Variants in GABRB2 observed in about 807,000 individuals in gnomAD.
The protein encoded by GABRB2 is gamma-aminobutyric acid receptor subunit beta-2.
In GABRB2, 16 loss-of-function variants were observed where a neutral mutation model predicts 54.7. The ratio of observed to expected loss-of-function variants is 0.29; its 90% CI spans 0.20 to 0.44. The LOEUF is 0.44. Ranked by LOEUF, GABRB2 falls within the 20% of genes least tolerant of loss-of-function variation. The probability of loss-of-function intolerance (pLI) is 1.00; values close to 1 mark genes in which losing one functional copy is unlikely to be tolerated. For synonymous variants in GABRB2, 244 were observed against 233.8 expected, an observed-to-expected ratio of 1.04 and a Z score of -0.40; for missense variants, 355 against 644.0, an observed-to-expected ratio of 0.55 and a Z score of 4.86.
chr5:161,331,098 T>C lies in GABRB2; in HGVS notation c.862A>G (p.Ile288Val), dbSNP rs1021186046. The C allele has an allele frequency of 2.5e-6, 4 of 1,593,314 alleles. No individual in the cohort carries two copies. The highest frequency in any genetic ancestry group is 1.7e-5 in the Admixed American group (1 of 57,882). Residue 288 changes from isoleucine (I) to valine (V), a missense_variant, in exon 8 of 10, where the codon ATC becomes GTC. This residue lies in a region of GABRB2 where 25 missense variants were observed against 137.4 expected (regional missense o/e 0.18). Transcript: ENST00000393959. ...GITTVLTMTT[I>V]NTHLRETLPK... ...AGAGTTTCCCGGAGGTGGGTGTTGA[T>C]TGTGGTCATTGTGAGGACAGTTGTG...
intron 5 of GABRB2, among the ~76,000 whole-genome samples, chr5:161,345,252 GC>G (rs1257506358): frequency 1.3e-5 from 2 of 151,814 alleles, no homozygotes; most frequent in South Asian, 2.1e-4. Context: ...GTATCTTATA[GC>G]GCAATAAAAA....
intron 9 of GABRB2, among the ~76,000 whole-genome samples, chr5:161,296,932 G>A (rs1370006620): frequency 6.6e-6 from 1 of 152,188 alleles, no homozygotes; most frequent in Non-Finnish European, 1.5e-5. Context: ...AATAAAATAT[G>A]TGAAGAAAAA....
intron 3 of GABRB2, among the ~76,000 whole-genome samples, chr5:161,478,468 C>A (rs1042278066): frequency 6.6e-6 from 1 of 152,000 alleles, no homozygotes; most frequent in Non-Finnish European, 1.5e-5. Flanking sequence ...AATTAATTTT[C>A]TGCCTACAAC....
In GABRB2 at chr5:161,319,568, C is replaced by CA. The variant is rs1296591016; in HGVS notation, c.1191+6799dup. ...CTGATTTCAGTTGAAAAATCAATTT[C>CA]AAAAAAATTTTCCCCACTAATGTTC... On this transcript the variant is annotated intron_variant, in intron 9 of 9. Transcript: ENST00000393959. Among the ~76,000 whole-genome samples the CA allele has an allele frequency of 1.6e-4, 24 of 151,342 alleles. 1 individual carries two copies. The highest frequency in any genetic ancestry group is 2.6e-4 in the Admixed American group (4 of 15,188).
chr5:161,541,418 C>T (rs1360306450), intron 3 of GABRB2, among the ~76,000 whole-genome samples: 1 of 152,176 alleles, frequency 6.6e-6, no homozygotes, highest in African/African-American at 2.4e-5. Flanking sequence ...TTGACTTCTC[C>T]TCTTTAGCTA....
chr5:161,331,057 A>G lies in GABRB2; in HGVS notation c.903T>C (p.Tyr301=), dbSNP rs1753822990. 6.2e-7 allele frequency: 1 copy of G among 1,611,578 alleles called. No homozygotes were observed. Among genetic ancestry groups the G allele is most frequent in the Non-Finnish European group, 8.5e-7 (1 of 1,178,036 alleles). The change falls in exon 8 of 10, where the codon TAT becomes TAC. Residue 301 remains tyrosine, a synonymous_variant. Coordinates refer to ENST00000393959, the MANE Select transcript of GABRB2 (RefSeq NM_001371727.1). The part of the protein sequence containing the change: ...HLRETLPKIP[Y]VKAIDMYLMG... ...TCAGGTACATGTCAATGGCCTTCAC[A>G]TAGGGGATTTTAGGGAGAGTTTCCC...
chr5:161,316,020 G>A lies in GABRB2; in HGVS notation c.1191+10348C>T, dbSNP rs191661622. ...TACTCTTTGTAAGTGTATATAAATT[G>A]TACATTAATTACCACTCATTTGTAG... On this transcript the variant is annotated intron_variant, in intron 9 of 9. Transcript: ENST00000393959. Among the ~76,000 whole-genome samples, 649 of 152,188 alleles carry A rather than the reference G, an allele frequency of 4.3e-3. 6 individuals are homozygous for A. The highest frequency in any genetic ancestry group is 5.8e-3 in the Non-Finnish European group (393 of 68,016).
At chr5:161,311,708 C>A (rs769322162) in intron 9 of GABRB2, among the ~76,000 whole-genome samples, 1 of 152,200 alleles carries the variant, frequency 6.6e-6, no homozygotes, top group Non-Finnish European at 1.5e-5. Context: ...ATTTAGTCCA[C>A]AGATCAGCTG....
chr5:161,341,455 A>G (rs765562659), intron 5 of GABRB2, among the ~76,000 whole-genome samples: 10 of 151,976 alleles, frequency 6.6e-5, no homozygotes, highest in Non-Finnish European at 1.5e-4. Flanking sequence ...CATCAAAAAC[A>G]TAAGACACAT....
intron 5 of GABRB2, among the ~76,000 whole-genome samples, chr5:161,341,175 T>G (rs1205836411): frequency 6.6e-6 from 1 of 152,016 alleles, no homozygotes; most frequent in Non-Finnish European, 1.5e-5. Flanking sequence ...CCTTGTTTTC[T>G]TCTTTTCTTT....
chr5:161,410,756 C>A (rs1756488006), intron 5 of GABRB2, among the ~76,000 whole-genome samples: 1 of 152,134 alleles, frequency 6.6e-6, no homozygotes, highest in Admixed American at 6.5e-5. Context: ...TATTTCTTCC[C>A]TAAATATCTC....
intron 9 of GABRB2, among the ~76,000 whole-genome samples, chr5:161,315,479 A>C (rs1216020349): frequency 6.6e-6 from 1 of 152,140 alleles, no homozygotes; most frequent in African/African-American, 2.4e-5. Context: ...TGGGGATTAT[A>C]TCTACCTTCT....
At chr5:161,529,382 T>C (rs1312126194) in intron 3 of GABRB2, among the ~76,000 whole-genome samples, 1 of 151,996 alleles carries the variant, frequency 6.6e-6, no homozygotes, top group Middle Eastern at 3.2e-3. Flanking sequence ...CGATTCCATT[T>C]GAAAATTTCA....
intron 3 of GABRB2, among the ~76,000 whole-genome samples, chr5:161,484,376 C>T (rs1164263003): frequency 6.6e-6 from 1 of 151,812 alleles, no homozygotes; most frequent in African/African-American, 2.4e-5. Flanking sequence ...CTCCAGGGTG[C>T]CCTAGACACT....
chr5:161,431,407 GA>G (rs1441735806), intron 4 of GABRB2, among the ~76,000 whole-genome samples: 2 of 152,128 alleles, frequency 1.3e-5, no homozygotes, highest in Non-Finnish European at 2.9e-5. Flanking sequence ...ATCATTGCAA[GA>G]GATAGCAATT....
chr5:161,503,873 C>T (rs1034798774), intron 3 of GABRB2, among the ~76,000 whole-genome samples: 4 of 151,594 alleles, frequency 2.6e-5, no homozygotes, highest in Non-Finnish European at 5.9e-5. Flanking sequence ...AAAAAAATAT[C>T]CTAATACTAA....
At chr5:161,536,886 C>A (rs1261387941) in intron 3 of GABRB2, among the ~76,000 whole-genome samples, 1 of 152,284 alleles carries the variant, frequency 6.6e-6, no homozygotes, top group East Asian at 1.9e-4. Flanking sequence ...GCGTGAGCCA[C>A]CATGCCTGGG....
chr5:161,370,304 G>A (rs1755095012), intron 5 of GABRB2, among the ~76,000 whole-genome samples: 2 of 152,146 alleles, frequency 1.3e-5, no homozygotes, highest in Admixed American at 6.6e-5. Flanking sequence ...TTAAGCAGTA[G>A]GTAAGCTTAG....
chr5:161,339,471 G>A lies in GABRB2; in HGVS notation c.542-2702C>T, dbSNP rs186089092. On this transcript the variant is annotated intron_variant, in intron 5 of 9. Transcript: ENST00000393959. ...ATTCTTATTTAGCTAATCAGGAATT[G>A]GCTTGGGGATCTGATTTTCTTTTTG... Among the ~76,000 whole-genome samples, 11 of 152,154 alleles carry A rather than the reference G, an allele frequency of 7.2e-5. No homozygotes were observed. In the East Asian group the frequency reaches 2.1e-3, roughly 29 times the overall value.
Sources: allele counts gnomAD v4.1 joint callset (sites outside exome capture counted in the v4.1 genomes callset), GRCh38; gene constraint gnomAD v4.1.1; regional missense constraint gnomAD v4.1.1; transcripts MANE v1.5; gene names NCBI Gene and HGNC (gene_info 2026-07-23, HGNC 2026-07-21).